Variants in SERTAD2 observed in about 807,000 individuals in gnomAD.
The protein encoded by SERTAD2 is SERTA domain containing 2, also known as SERTA domain-containing protein 2.
Under a neutral mutation model 15.4 loss-of-function variants are expected in SERTAD2, and 2 were observed. That is an observed-to-expected ratio of 0.13 (90% CI 0.05 to 0.41). The LOEUF (loss-of-function observed/expected upper bound fraction) is 0.41. SERTAD2 is among the 10% of genes least tolerant of loss of function. SERTAD2 has a pLI of 0.99. For missense variants in SERTAD2, 333 were observed against 409.7 expected, an observed-to-expected ratio of 0.81 and a Z score of 1.62; for synonymous variants, 180 against 178.0, an observed-to-expected ratio of 1.01 and a Z score of -0.09.
At position 64,634,832 on chromosome 2, in the gene SERTAD2, G is replaced by A. The variant is rs1674621310; in HGVS notation, c.*1095C>T. The A allele has an allele frequency of 6.6e-6, 1 of 152,208 alleles. No homozygotes were observed. The highest frequency in any genetic ancestry group is 6.6e-5 in the Admixed American group (1 of 15,260). 9.4% of individuals were successfully genotyped at this position (152,208 alleles called of 1,614,324 possible). ...AAATTATGCCAAAAAGGAAAGATCTGGGTTTTCATTAAAAAACAAAATAAA... is the reference window on the plus strand; with the variant it reads ...AAATTATGCCAAAAAGGAAAGATCTAGGTTTTCATTAAAAAACAAAATAAA... On this transcript the variant is annotated 3_prime_UTR_variant, in exon 2 of 2. Transcript: ENST00000313349.
rs1674652334 is a variant in SERTAD2, at chr2:64,636,195, G to A, written c.677C>T (p.Pro226Leu). 2 of 1,614,052 alleles carry A rather than the reference G, an allele frequency of 1.2e-6. No individual in the cohort carries two copies. The highest frequency in any genetic ancestry group is 1.7e-5 in the Admixed American group (1 of 60,004). Residue 226 changes from proline (P) to leucine (L), a missense_variant, in exon 2 of 2, where the codon CCT becomes CTT. This residue lies in a region of SERTAD2 where 332 missense variants were observed against 392.9 expected (regional missense o/e 0.84). Transcript: ENST00000313349. Reference protein sequence around the residue: ...ADDSKLMDSLPGNFEITTSTG... With the variant: ...ADDSKLMDSLLGNFEITTSTG... ...GGACGTCGTTATTTCAAAATTCCCA[G>A]GCAGAGAGTCCATCAGTTTTGAGTC... is the stretch of plus-strand genomic sequence containing the variant.
In SERTAD2 at chr2:64,633,976, AAACT is replaced by A. The variant is rs1164388610; in HGVS notation, c.*1947_*1950del. 45 of 152,748 alleles carry A rather than the reference AAACT, an allele frequency of 2.9e-4. No homozygotes were observed. The highest frequency in any genetic ancestry group is 8.9e-4 in the African/African-American group (37 of 41,562). The allele number at this position is 152,748 out of a possible 1,614,324, so 9.5% of individuals were successfully genotyped here. A position where few individuals can be genotyped will look rare whatever the true frequency, so the allele number is the denominator to read the frequency against. On this transcript the variant is annotated 3_prime_UTR_variant, in exon 2 of 2. Coordinates refer to ENST00000313349, the MANE Select transcript of SERTAD2 (RefSeq NM_014755.3). ...CTTTGCCATGTGCATTACAAAAATA[AAACT>A]AACTATGGCTTGCTTAAAGTGCCAT...
intron 1 of SERTAD2, among the ~76,000 whole-genome samples, chr2:64,639,085 C>T (rs147019665): frequency 4.7e-4 from 71 of 152,302 alleles, no homozygotes; most frequent in Admixed American, 1.3e-3. Context: ...GAGCTAAGTG[C>T]ATTTAATTCT....
intron 1 of SERTAD2, among the ~76,000 whole-genome samples, chr2:64,642,929 CT>C (rs144306371): frequency 2.0e-5 from 1 of 51,066 alleles, no homozygotes; most frequent in East Asian, 1.2e-3. Context: ...CACTGATAGA[CT>C]TTTCTACTCT....
chr2:64,642,477 A>G (rs554475949), intron 1 of SERTAD2, among the ~76,000 whole-genome samples: 3 of 152,332 alleles, frequency 2.0e-5, no homozygotes, highest in Non-Finnish European at 4.4e-5. Context: ...AAGGTTTTTC[A>G]ACTATTTAAA....
At position 64,632,590 on chromosome 2, in the gene SERTAD2, AT is replaced by A. The variant is rs1298152140; in HGVS notation, c.*3336del. 1.3e-5 allele frequency: 2 copies of A among 152,666 alleles called. No homozygotes were observed. The highest frequency in any genetic ancestry group is 4.8e-5 in the African/African-American group (2 of 41,448). 9.5% of individuals were successfully genotyped at this position (152,666 alleles called of 1,614,324 possible). A position where few individuals can be genotyped will look rare whatever the true frequency, so the allele number is the denominator to read the frequency against. ...AGTGCTACTAAAAAAACTTTAAAAA[AT>A]ATCAACCCTTTGATGCTTTTCTTAA... On this transcript the variant is annotated 3_prime_UTR_variant, in exon 2 of 2. Transcript: ENST00000313349.
intron 1 of SERTAD2, among the ~76,000 whole-genome samples, chr2:64,651,639 A>T (rs930326396): frequency 2.0e-5 from 3 of 152,244 alleles, no homozygotes; most frequent in Non-Finnish European, 4.4e-5. Flanking sequence ...TCTCAATTAA[A>T]TAGAAAAGCT....
intron 1 of SERTAD2, among the ~76,000 whole-genome samples, chr2:64,648,304 C>T (rs894508594): frequency 1.3e-5 from 2 of 152,128 alleles, no homozygotes; most frequent in African/African-American, 2.4e-5. Context: ...TTTACAAAGA[C>T]AATTTAAACT....
chr2:64,643,561 G>C (rs1312198265), intron 1 of SERTAD2, among the ~76,000 whole-genome samples: 1 of 152,234 alleles, frequency 6.6e-6, no homozygotes, highest in East Asian at 1.9e-4. Context: ...TCATTCAAAG[G>C]GGAGCTTTAA....
chr2:64,643,357 G>A (rs1355383252), intron 1 of SERTAD2, among the ~76,000 whole-genome samples: 1 of 152,268 alleles, frequency 6.6e-6, no homozygotes, highest in East Asian at 1.9e-4. Context: ...AGTGTCTGCC[G>A]TGGTGTACGG....
At chr2:64,644,223 G>A (rs1156660444) in intron 1 of SERTAD2, among the ~76,000 whole-genome samples, 3 of 152,214 alleles carry the variant, frequency 2.0e-5, no homozygotes, top group East Asian at 1.9e-4. Flanking sequence ...GTAGAAGAAA[G>A]GGGTGCCCCT....
intron 1 of SERTAD2, among the ~76,000 whole-genome samples, chr2:64,647,552 T>C (rs1004158739): frequency 2.0e-5 from 3 of 152,158 alleles, no homozygotes; most frequent in African/African-American, 7.2e-5. Context: ...TAGCATCTTT[T>C]CCCTAAAGAT....
intron 1 of SERTAD2, among the ~76,000 whole-genome samples, chr2:64,647,657 T>A (rs1331027711): frequency 8.5e-6 from 1 of 118,120 alleles, no homozygotes; most frequent in Non-Finnish European, 1.7e-5. Flanking sequence ...GCCAAAAGTA[T>A]GTGACAGTTT....
chr2:64,651,885 C>T (rs1675019144), intron 1 of SERTAD2, among the ~76,000 whole-genome samples: 2 of 151,486 alleles, frequency 1.3e-5, no homozygotes, highest in Non-Finnish European at 1.5e-5. Context: ...GGAAAAGGGC[C>T]GGGTGTTAAG....
At position 64,635,832 on chromosome 2, in the gene SERTAD2, A is replaced by G; in HGVS notation, c.*95T>C. ...TGTAAAATTTTCTTTTTCTCTGAAAAAGGCAAGCAAGGGTGCATGCACAGT... is the reference window on the plus strand; with the variant it reads ...TGTAAAATTTTCTTTTTCTCTGAAAGAGGCAAGCAAGGGTGCATGCACAGT... On this transcript the variant is annotated 3_prime_UTR_variant, in exon 2 of 2. Coordinates refer to ENST00000313349, the MANE Select transcript of SERTAD2 (RefSeq NM_014755.3). The G allele has an allele frequency of 9.8e-7, 1 of 1,019,838 alleles. No individual in the cohort carries two copies. The highest frequency in any genetic ancestry group is 1.6e-5 in the African/African-American group (1 of 61,888). The allele number at this position is 1,019,838 out of a possible 1,614,324, so 63.2% of individuals were successfully genotyped here. A position where few individuals can be genotyped will look rare whatever the true frequency, so the allele number is the denominator to read the frequency against.
intron 1 of SERTAD2, among the ~76,000 whole-genome samples, chr2:64,638,059 C>T (rs1444570084): frequency 2.0e-5 from 3 of 152,218 alleles, no homozygotes; most frequent in Non-Finnish European, 2.9e-5. Flanking sequence ...GGACCAGGAT[C>T]GTGGTTCGAA....
rs1558650513 is a variant in SERTAD2 at position 64,634,895 on chromosome 2, TAA to T, written c.*1030_*1031del. On this transcript the variant is annotated 3_prime_UTR_variant, in exon 2 of 2. Coordinates refer to ENST00000313349, the MANE Select transcript of SERTAD2 (RefSeq NM_014755.3). ...CGCAAACTTGGCATAAATACACTCT[TAA>T]GAAAGACAGTAGCTTTACCCTCAAA... is the stretch of plus-strand genomic sequence containing the variant. 1 of 152,650 alleles carries T rather than the reference TAA, an allele frequency of 6.6e-6. No homozygotes were observed. The highest frequency in any genetic ancestry group is 2.4e-5 in the African/African-American group (1 of 41,462). 9.5% of individuals were successfully genotyped at this position (152,650 alleles called of 1,614,324 possible). A position where few individuals can be genotyped will look rare whatever the true frequency, so the allele number is the denominator to read the frequency against.
At chr2:64,649,555 T>A (rs1370689029) in intron 1 of SERTAD2, among the ~76,000 whole-genome samples, 1 of 152,240 alleles carries the variant, frequency 6.6e-6, no homozygotes, top group Non-Finnish European at 1.5e-5. Flanking sequence ...ATGCTTAGCT[T>A]CTTTTCAGTT....
rs1674641848 is a variant in SERTAD2 at position 64,635,650 on chromosome 2, T to C, written c.*277A>G. On this transcript the variant is annotated 3_prime_UTR_variant, in exon 2 of 2. Transcript: ENST00000313349. ...TGTGCTTCACTTGAACTGTTTATTT[T>C]TGTCATTCAACATTGCAACATTGTC... The C allele has an allele frequency of 5.8e-6, 2 of 342,622 alleles. No individual in the cohort carries two copies. The highest frequency in any genetic ancestry group is 4.1e-5 in the African/African-American group (2 of 48,948). The allele number at this position is 342,622 out of a possible 1,614,324, so 21.2% of individuals were successfully genotyped here.
Sources: allele counts gnomAD v4.1 joint callset (sites outside exome capture counted in the v4.1 genomes callset), GRCh38; gene constraint gnomAD v4.1.1; regional missense constraint gnomAD v4.1.1; transcripts MANE v1.5; gene names NCBI Gene and HGNC (gene_info 2026-07-23, HGNC 2026-07-21).